TCF20: variants seen among roughly 807,000 people sequenced by gnomAD.
TCF20 encodes the protein transcription factor 20.
TCF20 carries 3 observed loss-of-function variants against 148.6 expected under a neutral mutation model. The ratio of observed to expected loss-of-function variants is 0.02; its 90% confidence interval spans 0.01 to 0.05. TCF20 has a LOEUF of 0.05. Among genes scored for constraint, TCF20 ranks in the 10% least tolerant of loss-of-function variants. The probability of loss-of-function intolerance (pLI) is 1.00; values close to 1 mark genes in which losing one functional copy is unlikely to be tolerated. For missense variants in TCF20, 2,350 were observed against 2,429.3 expected, an observed-to-expected ratio of 0.97 and a Z score of 0.69; for synonymous variants, 1,049 against 909.5, an observed-to-expected ratio of 1.15 and a Z score of -2.76.
chr22:42,309,057 G>T (rs886488679), intron 1 of TCF20, among the ~76,000 whole-genome samples: 1 of 152,128 alleles, frequency 6.6e-6, no homozygotes, highest in African/African-American at 2.4e-5. Flanking sequence ...ACACCCTGGC[G>T]GGGGAGGCTG....
chr22:42,211,620 G>A lies in TCF20; in HGVS notation c.3686C>T (p.Ser1229Leu). ...DGHGLAEATQ[S>L]SKPGSVMLRL... ...CAGCATAACACTACCAGGTTTGGAT[G>A]ACTGTGTAGCCTCAGCTAGTCCATG... Residue 1229 changes from serine to leucine, a missense_variant, in exon 2 of 6, where the codon TCA becomes TTA. Physicochemically the swap from Ser to Leu is moderately radical, Grantham distance 145 (BLOSUM62 -2). This residue lies in a region of TCF20 where 1,641 missense variants were observed against 1,662.6 expected (regional missense o/e 0.99). Coordinates refer to ENST00000677622, the MANE Select transcript of TCF20 (RefSeq NM_001378418.1). The A allele has an allele frequency of 6.2e-7, 1 of 1,614,232 alleles. No individual in the cohort carries two copies. Among genetic ancestry groups the A allele is most frequent in the East Asian group, 2.2e-5 (1 of 44,890 alleles).
chr22:42,259,231 C>G (rs1020444176), intron 1 of TCF20, among the ~76,000 whole-genome samples: 1 of 152,168 alleles, frequency 6.6e-6, no homozygotes, highest in African/African-American at 2.4e-5. Flanking sequence ...CTGTTCTGGG[C>G]CCTTGAGCAC....
At chr22:42,168,489 G>A (rs1302810419) in intron 5 of TCF20, 120 bp downstream of exon 5, 3 of 1,392,888 alleles carry the variant, frequency 2.2e-6, no homozygotes, top group East Asian at 2.5e-5. Context: ...GCATCCACCT[G>A]GCGTTGTCAT....
upstream of TCF20, among the ~76,000 whole-genome samples, chr22:42,285,808 C>G (rs912322093): frequency 2.0e-5 from 3 of 151,988 alleles, no homozygotes; most frequent in Non-Finnish European, 4.4e-5. This position sits in a 1 kb window ranked among gnomAD's most constrained non-coding sequence, Gnocchi z 4.2. Context: ...GCCTCTGGGC[C>G]TTTGCACATG....
intron 2 of TCF20, among the ~76,000 whole-genome samples, chr22:42,191,501 C>G (rs762212794): frequency 3.3e-5 from 5 of 152,156 alleles, no homozygotes; most frequent in Admixed American, 2.6e-4. Context: ...ATTGGCCAGG[C>G]TGGTCTCGAA....
At chr22:42,324,718 A>T (rs1156242072) in intron 1 of TCF20, among the ~76,000 whole-genome samples, 2 of 152,204 alleles carry the variant, frequency 1.3e-5, no homozygotes, top group African/African-American at 4.8e-5. Context: ...ACCATCTGAG[A>T]AAATAATCTC....
chr22:42,191,969 C>T (rs1418671465), intron 2 of TCF20, among the ~76,000 whole-genome samples: 5 of 152,204 alleles, frequency 3.3e-5, no homozygotes, highest in Non-Finnish European at 5.9e-5. Context: ...ATTGAAGTTG[C>T]ACAAGGTCTT....
At chr22:42,218,938 TC>T (rs1349308261) in intron 1 of TCF20, among the ~76,000 whole-genome samples, 1 of 151,866 alleles carries the variant, frequency 6.6e-6, no homozygotes, top group African/African-American at 2.4e-5. Flanking sequence ...CCTGCAGGGT[TC>T]CAGTCATGCT....
At chr22:42,278,534 G>A (rs1313360027) in intron 1 of TCF20, 1 of 152,262 alleles carries the variant, frequency 6.6e-6, no homozygotes, top group African/African-American at 2.4e-5. Context: ...TGTTCCCCCT[G>A]CGCGGCAGAT....
chr22:42,254,476 T>C (rs982999197), intron 1 of TCF20, among the ~76,000 whole-genome samples: 1 of 152,242 alleles, frequency 6.6e-6, no homozygotes, highest in Admixed American at 6.5e-5. Flanking sequence ...TATCATGATA[T>C]ATACTGGGTA....
At position 42,215,009 on chromosome 22, in the gene TCF20, C is replaced by A. The variant is rs1196171796; in HGVS notation, c.297G>T (p.Val99=). 1.2e-6 allele frequency: 2 copies of A among 1,614,212 alleles called. No individual in the cohort carries two copies. The highest frequency in any genetic ancestry group is 3.3e-5 in the Admixed American group (2 of 60,022). Residue 99 remains valine (V), a synonymous_variant, in exon 2 of 6, where the codon GTG becomes GTT. Transcript: ENST00000677622. ...FYYMAGNKDP[V]TTGTPQPPQR... ...GAGGAGGCTGTGGGGTTCCTGTAGT[C>A]ACGGGGTCTTTGTTGCCTGCCATGT...
rs1356507377 is a variant in TCF20 at position 42,213,656 on chromosome 22, A to G, written c.1650T>C (p.Gly550=). 4 of 1,613,922 alleles carry G rather than the reference A, an allele frequency of 2.5e-6. No homozygotes were observed. Among genetic ancestry groups the G allele is most frequent in the Admixed American group, 1.7e-5 (1 of 59,992 alleles). The change falls in exon 2 of 6, where the codon GGT becomes GGC. Residue 550 remains glycine, a synonymous_variant. Transcript: ENST00000677622. ...AGGAGCCAGCTTTCTCAGAGGCTCC[A>G]CCCTTGTAGGTGGTGTCAGAGCTGG... ...QSTSSDTTYK[G]GASEKAGSSP...
intron 1 of TCF20, among the ~76,000 whole-genome samples, chr22:42,294,955 C>T (rs748741259): frequency 2.6e-5 from 4 of 152,192 alleles, no homozygotes; most frequent in Non-Finnish European, 5.9e-5. Flanking sequence ...CATGCTGGCG[C>T]TGGCAGGATT....
intron 1 of TCF20, among the ~76,000 whole-genome samples, chr22:42,257,095 G>A (rs1164281976): frequency 6.6e-6 from 1 of 152,196 alleles, no homozygotes; most frequent in Admixed American, 6.5e-5. Context: ...AGGAACTCAA[G>A]GCTGCAGTGC....
At chr22:42,291,053 G>C (rs1335692918) in intron 1 of TCF20, among the ~76,000 whole-genome samples, 1 of 149,870 alleles carries the variant, frequency 6.7e-6, no homozygotes, top group Admixed American at 6.6e-5. Flanking sequence ...TCGGAACCTA[G>C]GGTCCTCTCC....
At chr22:42,231,284 A>G (rs116867592) in intron 1 of TCF20, among the ~76,000 whole-genome samples, 5,754 of 152,236 alleles carry the variant, frequency 0.038, 164 homozygotes, top group Non-Finnish European at 0.06. Flanking sequence ...GGAGTTTGAG[A>G]CCAGCCTGGG....
At chr22:42,259,571 C>T (rs1925922590) in intron 1 of TCF20, among the ~76,000 whole-genome samples, 1 of 152,222 alleles carries the variant, frequency 6.6e-6, no homozygotes, top group African/African-American at 2.4e-5. Context: ...AAGTTCATCA[C>T]TTTATACCCT....
At chr22:42,200,439 G>A (rs555027686) in intron 2 of TCF20, among the ~76,000 whole-genome samples, 7 of 152,084 alleles carry the variant, frequency 4.6e-5, no homozygotes, top group African/African-American at 1.7e-4. Flanking sequence ...TCAGGAGTTC[G>A]AGGCCAGCCT....
At chr22:42,341,916 G>T (rs1214491401) in intron 1 of TCF20, among the ~76,000 whole-genome samples, 1 of 152,226 alleles carries the variant, frequency 6.6e-6, no homozygotes, top group Non-Finnish European at 1.5e-5. Context: ...GAGGACCACA[G>T]GGAGGAGGGG....
Sources: allele counts gnomAD v4.1 joint callset (sites outside exome capture counted in the v4.1 genomes callset), GRCh38; gene constraint gnomAD v4.1.1; regional missense constraint gnomAD v4.1.1; non-coding constraint Gnocchi (gnomAD v3.1); transcripts MANE v1.5; gene names NCBI Gene and HGNC (gene_info 2026-07-23, HGNC 2026-07-21).